Variants in TNFSF13 observed in about 807,000 individuals in gnomAD.
The protein encoded by TNFSF13 is TNF superfamily member 13.
TNFSF13 carries 18 observed loss-of-function variants against 30.7 expected under a neutral mutation model. That is an observed-to-expected ratio of 0.59 (90% CI 0.41 to 0.87). The LOEUF is 0.87. Ranked by LOEUF, TNFSF13 falls within the 40% of genes least tolerant of loss-of-function variation. TNFSF13 has a pLI of 0.00. For synonymous variants in TNFSF13, 116 were observed against 123.2 expected (o/e 0.94, Z 0.39); for missense variants, 286 against 308.8 (o/e 0.93, Z 0.55).
chr17:7,560,675 A>C (rs983784884), intron 5 of TNFSF13, 49 bp from the exon 6 acceptor site: 2 of 1,613,346 alleles, frequency 1.2e-6, no homozygotes, highest in African/African-American at 2.7e-5. Context: ...GAAACAGGGC[A>C]TCTGGATGGC....
Position 7,559,926 on chromosome 17 carries a change from G to T in TNFSF13, c.385+33G>T, listed in dbSNP as rs749045346. On this transcript the variant is annotated intron_variant, in intron 3 of 5. Transcript: ENST00000338784. This position sits in a 1 kb window ranked among gnomAD's most constrained non-coding sequence, Gnocchi z 5.4. ...CTATTTTAAATAATGGCTTTGGGGA[G>T]GGGCAATAACCAGGAACTCGGGCTG... 6.2e-7 allele frequency: 1 copy of T among 1,614,034 alleles called. No individual in the cohort carries two copies. Among genetic ancestry groups the T allele is most frequent in the African/African-American group, 1.3e-5 (1 of 75,016 alleles).
In TNFSF13 at chr17:7,559,340, T is replaced by A. The variant is rs775225197; in HGVS notation, c.258+43T>A. 6.5e-7 allele frequency: 1 copy of A among 1,537,640 alleles called. No individual in the cohort carries two copies. The highest frequency in any genetic ancestry group is 1.2e-5 in the South Asian group (1 of 81,134). On this transcript the variant is annotated intron_variant, in intron 1 of 5. Transcript: ENST00000338784. This position sits in a 1 kb window ranked among gnomAD's most constrained non-coding sequence, Gnocchi z 5.4. ...GGTGTCTGGGAGAGGATGGTTAGCA[T>A]GGGGGGTCTCTGGGCCTCCTGGTCT...
Position 7,560,858 on chromosome 17 carries a change from G to A in TNFSF13, c.*25G>A, listed in dbSNP as rs2071189136. ...ATTGTGTTATAAAAAGTGGCTCCCA[G>A]CTTGGAAGACCAGGGTGGGTACATA... On this transcript the variant is annotated 3_prime_UTR_variant, in exon 6 of 6. Transcript: ENST00000338784. The A allele has an allele frequency of 6.2e-7, 1 of 1,613,716 alleles. No individual in the cohort carries two copies. The highest frequency in any genetic ancestry group is 8.5e-7 in the Non-Finnish European group (1 of 1,179,776).
chr17:7,560,501 T>C lies in TNFSF13; in HGVS notation c.643+13T>C. The C allele has an allele frequency of 1.9e-6, 3 of 1,614,032 alleles. No homozygotes were observed. The highest frequency in any genetic ancestry group is 2.5e-6 in the Non-Finnish European group (3 of 1,179,954). ...TGCTATAGCGCAGGTGAGAGCCGTG[T>C]GGGCAGCCGAAAGCAGGACGTCTCT... On this transcript the variant is annotated intron_variant, in intron 5 of 5. Transcript: ENST00000338784.
Position 7,560,185 on chromosome 17 carries a change from C to A in TNFSF13, c.504+18C>A. 6.2e-7 allele frequency: 1 copy of A among 1,613,924 alleles called. No individual in the cohort carries two copies. The highest frequency in any genetic ancestry group is 8.5e-7 in the Non-Finnish European group (1 of 1,179,936). On this transcript the variant is annotated intron_variant, in intron 4 of 5. Transcript: ENST00000338784. ...ATAGCCAGGTAACCCCAGCCACACT[C>A]TGAGCTTCACAGAGGGCCTCTTTGG...
rs376844772 is a variant in TNFSF13 at position 7,559,046 on chromosome 17, G to A, written c.7G>A (p.Ala3Thr). MP[A>T]SSPFLLAPKG... ...TTGGCAGGGTCCCCAGCTCATGCCA[G>A]CCTCATCTCCTTTCTTGCTAGCCCC... Residue 3 changes from alanine to threonine, a missense_variant, in exon 1 of 6, where the codon GCC becomes ACC. Ala to Thr is a moderately conservative substitution (Grantham distance 58). Coordinates refer to ENST00000338784, the MANE Select transcript of TNFSF13 (RefSeq NM_003808.4). The surrounding 1 kb of genome is among the most constrained non-coding windows in gnomAD (Gnocchi z 5.4). 17 of 1,537,110 alleles carry A rather than the reference G, an allele frequency of 1.1e-5. No individual in the cohort carries two copies. Among genetic ancestry groups the A allele is most frequent in the Admixed American group, 2.0e-5 (1 of 50,536 alleles).
rs2071171701 is a variant in TNFSF13, at chr17:7,560,431, T to C, written c.586T>C (p.Cys196Arg). 2 of 1,613,850 alleles carry C rather than the reference T, an allele frequency of 1.2e-6. No individual in the cohort carries two copies. Among genetic ancestry groups the C allele is most frequent in the Admixed American group, 1.7e-5 (1 of 59,992 alleles). Residue 196 changes from cysteine (C) to arginine (R), a missense_variant, in exon 5 of 6, where the codon TGT (cysteine) becomes CGT (arginine). By Grantham distance (180) the Cys-to-Arg change is radical. Coordinates refer to ENST00000338784, the MANE Select transcript of TNFSF13 (RefSeq NM_003808.4). Reference protein sequence around the residue: ...GQGRQETLFRCIRSMPSHPDR... With the variant: ...GQGRQETLFRRIRSMPSHPDR... ...AGGAAGGCAGGAGACTCTATTCCGA[T>C]GTATAAGAAGTATGCCCTCCCACCC...
chr17:7,560,105 C>A lies in TNFSF13; in HGVS notation c.442C>A (p.Leu148Ile). 1 of 1,614,130 alleles carries A rather than the reference C, an allele frequency of 6.2e-7. No individual in the cohort carries two copies. ...WQPALRRGRG[L>I]QAQGYGVRIQ... ...ACCAGCTCTTAGGCGTGGGAGAGGCCTACAGGCCCAAGGATATGGTGTCCG... is the reference window on the plus strand; with the variant it reads ...ACCAGCTCTTAGGCGTGGGAGAGGCATACAGGCCCAAGGATATGGTGTCCG... Residue 148 changes from leucine to isoleucine, a missense_variant, in exon 4 of 6, where the codon CTA becomes ATA. By Grantham distance (5) the Leu-to-Ile change is conservative. Coordinates refer to ENST00000338784, the MANE Select transcript of TNFSF13 (RefSeq NM_003808.4).
rs1449303132 is a variant in TNFSF13, at chr17:7,559,817, C to T, written c.338-29C>T. Reference sequence around the variant, plus strand: ...ACAGCACAACGGGGGAAAGTGGATGCGGCTGAGATTCCCTCCTTCTCTCCT... The same window carrying T: ...ACAGCACAACGGGGGAAAGTGGATGTGGCTGAGATTCCCTCCTTCTCTCCT... On this transcript the variant is annotated intron_variant, in intron 2 of 5. Transcript: ENST00000338784. This position sits in a 1 kb window ranked among gnomAD's most constrained non-coding sequence, Gnocchi z 5.4. 3 of 1,614,072 alleles carry T rather than the reference C, an allele frequency of 1.9e-6. No homozygotes were observed. The highest frequency in any genetic ancestry group is 1.7e-5 in the Admixed American group (1 of 60,008).
At position 7,559,558 on chromosome 17, in the gene TNFSF13, C is replaced by A; in HGVS notation, c.259-66C>A. The stretch of plus-strand genomic sequence containing the variant: ...GAGGCATCTCGGGGGCAGGGGAGGG[C>A]TGGGAAGGCAGGCTGGCTGGGACCC... On this transcript the variant is annotated intron_variant, in intron 1 of 5. Coordinates refer to ENST00000338784, the MANE Select transcript of TNFSF13 (RefSeq NM_003808.4). The surrounding 1 kb of genome is among the most constrained non-coding windows in gnomAD (Gnocchi z 5.4). The A allele has an allele frequency of 2.5e-6, 4 of 1,571,646 alleles. No homozygotes were observed. The highest frequency in any genetic ancestry group is 1.7e-4 in the Middle Eastern group (1 of 5,852).
In TNFSF13 at chr17:7,559,235, C is replaced by T; in HGVS notation, c.196C>T (p.Gln66Ter). Reference sequence around the variant, plus strand: ...CCTCAGGAGAGAGGTGAGCCGGCTGCAGGGGACAGGAGGCCCCTCCCAGAA... The same window carrying T: ...CCTCAGGAGAGAGGTGAGCCGGCTGTAGGGGACAGGAGGCCCCTCCCAGAA... ...QSLRREVSRLQGTGGPSQNGE... is the reference protein window; with the variant it reads ...QSLRREVSRL Residue 66 changes from glutamine to a stop codon, truncating the protein, a stop_gained, in exon 1 of 6, where the codon CAG (glutamine) becomes TAG (stop). Transcript: ENST00000338784. LOFTEE classifies it high-confidence loss of function. This position sits in a 1 kb window ranked among gnomAD's most constrained non-coding sequence, Gnocchi z 5.4. The T allele has an allele frequency of 6.2e-7, 1 of 1,610,470 alleles. No homozygotes were observed. The highest frequency in any genetic ancestry group is 8.5e-7 in the Non-Finnish European group (1 of 1,179,322).
upstream of TNFSF13, chr17:7,558,384 T>G (rs2071105082): frequency 6.6e-6 from 1 of 152,138 alleles, no homozygotes; most frequent in Non-Finnish European, 1.5e-5. The surrounding 1 kb of genome is among the most constrained non-coding windows in gnomAD (Gnocchi z 4.3). Flanking sequence ...ATGTAAGAGC[T>G]TTTCTCGGGA....
chr17:7,559,502 AG>A lies in TNFSF13; in HGVS notation c.259-119del. 1 of 1,394,824 alleles carries A rather than the reference AG, an allele frequency of 7.2e-7. No homozygotes were observed. Among genetic ancestry groups the A allele is most frequent in the African/African-American group, 1.4e-5 (1 of 69,878 alleles). The allele number at this position is 1,394,824 out of a possible 1,614,324, so 86.4% of individuals were successfully genotyped here. A position where few individuals can be genotyped will look rare whatever the true frequency, so the allele number is the denominator to read the frequency against. ...TGGAGGGCAGCCAGCACCAACACTC[AG>A]GGTGCTGGGAAAAGGTGCGTGAGAG... On this transcript the variant is annotated intron_variant, in intron 1 of 5. Transcript: ENST00000338784. The surrounding 1 kb of genome is among the most constrained non-coding windows in gnomAD (Gnocchi z 5.4).
Position 7,559,698 on chromosome 17 carries a change from G to A in TNFSF13, c.333G>A (p.Gln111=). ...GGAGAGCAGTGCTCACCCAAAAACA[G>A]AAGAGTGAGGCTTCCAGGGTGCAGC... The part of the protein sequence containing the change: ...RKRRAVLTQK[Q]KKQHSVLHLV... The change falls in exon 2 of 6, where the codon CAG becomes CAA. Residue 111 remains glutamine (Q), a synonymous_variant. Transcript: ENST00000338784. This position sits in a 1 kb window ranked among gnomAD's most constrained non-coding sequence, Gnocchi z 5.4. 1 of 1,613,916 alleles carries A rather than the reference G, an allele frequency of 6.2e-7. No homozygotes were observed. The highest frequency in any genetic ancestry group is 8.5e-7 in the Non-Finnish European group (1 of 1,179,954).
Position 7,558,834 on chromosome 17 carries a change from C to T in TNFSF13, c.-206C>T, listed in dbSNP as rs1567724044. On this transcript the variant is annotated 5_prime_UTR_variant, in exon 1 of 6. Transcript: ENST00000338784. The surrounding 1 kb of genome is among the most constrained non-coding windows in gnomAD (Gnocchi z 4.3). ...GAGGGTGGAGGGTCTCAAGGCAACGCTGGCCCCACGACGGAGTGCCAGGAG... is the reference window on the plus strand; with the variant it reads ...GAGGGTGGAGGGTCTCAAGGCAACGTTGGCCCCACGACGGAGTGCCAGGAG... The T allele has an allele frequency of 6.1e-6, 3 of 493,972 alleles. No individual in the cohort carries two copies. The highest frequency in any genetic ancestry group is 7.0e-5 in the East Asian group (2 of 28,536). 30.6% of individuals were successfully genotyped at this position (493,972 alleles called of 1,614,324 possible). A position where few individuals can be genotyped will look rare whatever the true frequency, so the allele number is the denominator to read the frequency against.
Position 7,558,812 on chromosome 17 carries a change from G to C in TNFSF13, c.-228G>C. The C allele has an allele frequency of 2.5e-6, 1 of 404,356 alleles. No homozygotes were observed. The highest frequency in any genetic ancestry group is 4.3e-6 in the Non-Finnish European group (1 of 231,770). 25.0% of individuals were successfully genotyped at this position (404,356 alleles called of 1,614,324 possible). A position where few individuals can be genotyped will look rare whatever the true frequency, so the allele number is the denominator to read the frequency against. The stretch of plus-strand genomic sequence containing the variant: ...CCTAATTCTCCTGAGGCTGAGGGAG[G>C]GTGGAGGGTCTCAAGGCAACGCTGG... On this transcript the variant is annotated 5_prime_UTR_variant, in exon 1 of 6. Coordinates refer to ENST00000338784, the MANE Select transcript of TNFSF13 (RefSeq NM_003808.4). This position sits in a 1 kb window ranked among gnomAD's most constrained non-coding sequence, Gnocchi z 4.3.
At position 7,561,246 on chromosome 17, in the gene TNFSF13, G is replaced by A; in HGVS notation, c.*413G>A. 1.7e-6 allele frequency: 1 copy of A among 604,036 alleles called. No individual in the cohort carries two copies. The highest frequency in any genetic ancestry group is 2.9e-6 in the Non-Finnish European group (1 of 341,352). 37.4% of individuals were successfully genotyped at this position (604,036 alleles called of 1,614,324 possible). On this transcript the variant is annotated 3_prime_UTR_variant, in exon 6 of 6. Coordinates refer to ENST00000338784, the MANE Select transcript of TNFSF13 (RefSeq NM_003808.4). This position sits in a 1 kb window ranked among gnomAD's most constrained non-coding sequence, Gnocchi z 4.4. The stretch of plus-strand genomic sequence containing the variant: ...TTCTCCATGCCACACCTCTCTCCAG[G>A]TGCCCTCTGCCTCTTCACCCCACAA...
rs1464378481 is a variant in TNFSF13 at position 7,560,978 on chromosome 17, C to A, written c.*145C>A. The A allele has an allele frequency of 6.2e-7, 1 of 1,614,174 alleles. No homozygotes were observed. Among genetic ancestry groups the A allele is most frequent in the South Asian group, 1.1e-5 (1 of 91,074 alleles). ...TTGGCTCCCCGTTCCTCACTTTTCC[C>A]TTTTCATTCCCACCCCCTAGACTTT... On this transcript the variant is annotated 3_prime_UTR_variant, in exon 6 of 6. Coordinates refer to ENST00000338784, the MANE Select transcript of TNFSF13 (RefSeq NM_003808.4).
Position 7,559,165 on chromosome 17 carries a change from G to A in TNFSF13, c.126G>A (p.Val42=). The change falls in exon 1 of 6, where the codon GTG becomes GTA. Residue 42 remains valine (V), a synonymous_variant. Transcript: ENST00000338784. This position sits in a 1 kb window ranked among gnomAD's most constrained non-coding sequence, Gnocchi z 5.4. ...WLSWGAALGA[V]ACAMALLTQQ... is the part of the protein sequence containing the mutation. ...GTTGGGGGGCAGCTCTGGGGGCCGT[G>A]GCTTGTGCCATGGCTCTGCTGACCC... The A allele has an allele frequency of 1.2e-6, 2 of 1,612,804 alleles. No homozygotes were observed. The highest frequency in any genetic ancestry group is 1.3e-5 in the African/African-American group (1 of 75,056).
Sources: gnomAD v4.1 joint callset for allele counts on GRCh38, gnomAD v4.1.1 for gene constraint, Gnocchi (gnomAD v3.1) non-coding constraint, MANE v1.5 for transcripts, NCBI Gene and HGNC (gene_info 2026-07-23, HGNC 2026-07-21) for gene names.